The following GPR37 variants were observed in gnomAD, a reference collection of about 807,000 sequenced individuals.
GPR37 encodes prosaposin receptor GPR37.
GPR37 carries 20 observed loss-of-function variants against 43.6 expected under a neutral mutation model. The ratio of observed to expected loss-of-function variants is 0.46; its 90% CI spans 0.32 to 0.67. The LOEUF (loss-of-function observed/expected upper bound fraction) is 0.67, where lower values mean the gene tolerates loss of function less well. Ranked by LOEUF, GPR37 falls within the 30% of genes least tolerant of loss-of-function variation. The pLI is 0.03. For missense variants in GPR37, 724 were observed against 797.2 expected, an observed-to-expected ratio of 0.91 and a Z score of 1.11; for synonymous variants, 315 against 322.6, an observed-to-expected ratio of 0.98 and a Z score of 0.25.
chr7:124,755,930 TG>T (rs1793786390), intron 1 of GPR37, among the ~76,000 whole-genome samples: 2 of 152,198 alleles, frequency 1.3e-5, no homozygotes, highest in African/African-American at 4.8e-5. Flanking sequence ...TTGATTTGCA[TG>T]ACTGTGAACT....
chr7:124,753,478 A>T (rs538095876), intron 1 of GPR37, among the ~76,000 whole-genome samples: 2 of 152,080 alleles, frequency 1.3e-5, no homozygotes, highest in Non-Finnish European at 2.9e-5. Context: ...AATAAGGAGC[A>T]AGGTAATATG....
chr7:124,750,656 G>A (rs1419470376), intron 1 of GPR37, among the ~76,000 whole-genome samples: 1 of 152,118 alleles, frequency 6.6e-6, no homozygotes, highest in Non-Finnish European at 1.5e-5. Context: ...AACTCCAGGA[G>A]TTACAAAGTC....
At chr7:124,761,574 C>G (rs1438015506) in intron 1 of GPR37, among the ~76,000 whole-genome samples, 1 of 152,172 alleles carries the variant, frequency 6.6e-6, no homozygotes, top group Non-Finnish European at 1.5e-5. Context: ...ATAGGTTGAA[C>G]CTGAGAGCAC....
rs377727646 is a variant in GPR37 at position 124,764,669 on chromosome 7, T to G, written c.308A>C (p.Glu103Ala). The G allele has an allele frequency of 3.7e-5, 59 of 1,587,970 alleles. No homozygotes were observed. The Middle Eastern group carries it at 5.0e-4, about 14-fold the overall frequency. The change falls in exon 1 of 2, where the codon GAG (glutamate) becomes GCG (alanine). Residue 103 changes from glutamate to alanine, a missense_variant. Glu to Ala is a moderately radical substitution (Grantham distance 107, BLOSUM62 -1). Around this residue, in one of 2 missense-constraint regions of GPR37, gnomAD observed 382 missense variants for 355.4 expected, o/e 1.07. Coordinates refer to ENST00000303921, the MANE Select transcript of GPR37 (RefSeq NM_005302.5). The surrounding 1 kb of genome is among the most constrained non-coding windows in gnomAD (Gnocchi z 5.4). ...GRDPAAGRGA[E>A]ASAAGPPGPP... ...TCCCGGGGGTCCGGCTGCCGACGCC[T>G]CCGCCCCTCTGCCTGCAGCCGGGTC...
At chr7:124,762,632 C>G (rs75286725) in intron 1 of GPR37, among the ~76,000 whole-genome samples, 1 of 152,206 alleles carries the variant, frequency 6.6e-6, no homozygotes. Context: ...TTCAGAGATA[C>G]GCCAAGCTTG....
chr7:124,760,160 T>C (rs930910796), intron 1 of GPR37, among the ~76,000 whole-genome samples: 1 of 152,038 alleles, frequency 6.6e-6, no homozygotes, highest in African/African-American at 2.4e-5. Context: ...ACATCATAAA[T>C]CTATAAGAAG....
Position 124,746,681 on chromosome 7 carries a change from C to G in GPR37, c.1686G>C (p.Glu562Asp), listed in dbSNP as rs375447551. 3.7e-6 allele frequency: 6 copies of G among 1,613,934 alleles called. No homozygotes were observed. Among genetic ancestry groups the G allele is most frequent in the Non-Finnish European group, 5.1e-6 (6 of 1,179,904 alleles). The part of the protein sequence containing the change: ...LCKPFSRAFM[E>D]CCCCCCEECI... ...ATTCCTCACAGCAACAGCAGCAGCA[C>G]TCCATGAAGGCCCGACTGAAGGGTT... The change falls in exon 2 of 2, where the codon GAG becomes GAC. Residue 562 changes from glutamate (E) to aspartate (D), a missense_variant. Coordinates refer to ENST00000303921, the MANE Select transcript of GPR37 (RefSeq NM_005302.5).
Position 124,765,035 on chromosome 7 carries a change from C to T in GPR37, c.-59G>A, listed in dbSNP as rs188114495. ...CCTGCTTAGTTAGGATCGACACCTG[C>T]TGCCGAAGTTGCTGCTGAGAGTTAG... On this transcript the variant is annotated 5_prime_UTR_variant, in exon 1 of 2. Transcript: ENST00000303921. 97 of 1,396,340 alleles carry T rather than the reference C, an allele frequency of 6.9e-5. No homozygotes were observed. The highest frequency in any genetic ancestry group is 4.6e-4 in the Middle Eastern group (2 of 4,320). The allele number at this position is 1,396,340 out of a possible 1,614,324, so 86.5% of individuals were successfully genotyped here.
rs776668609 is a variant in GPR37, at chr7:124,753,811, C to T, written c.1024-6468G>A. ...TATGAGAACCATAAATATACCTCAG[C>T]TTTCAAATATTTTGTCCCTCTGTTA... is the stretch of plus-strand genomic sequence containing the variant. On this transcript the variant is annotated intron_variant, in intron 1 of 1. Coordinates refer to ENST00000303921, the MANE Select transcript of GPR37 (RefSeq NM_005302.5). Among the ~76,000 whole-genome samples, 31 of 152,164 alleles carry T rather than the reference C, an allele frequency of 2.0e-4. No homozygotes were observed. In the Middle Eastern group the frequency reaches 0.014, roughly 67 times the overall value.
rs1793658719 is a variant in GPR37 at position 124,745,342 on chromosome 7, G to A, written c.*1183C>T. ...TCTCTGCCACCTGAGTTAGACATGTGTCCCACACAGCAAGCATCCTACACA... is the reference window on the plus strand; with the variant it reads ...TCTCTGCCACCTGAGTTAGACATGTATCCCACACAGCAAGCATCCTACACA... On this transcript the variant is annotated 3_prime_UTR_variant, in exon 2 of 2. Transcript: ENST00000303921. 6.6e-6 allele frequency among the ~76,000 whole-genome samples: 1 copy of A among 152,118 alleles called. No individual in the cohort carries two copies. Among genetic ancestry groups the A allele is most frequent in the African/African-American group, 2.4e-5 (1 of 41,442 alleles).
At chr7:124,757,302 C>T (rs370351562) in intron 1 of GPR37, among the ~76,000 whole-genome samples, 6 of 152,032 alleles carry the variant, frequency 3.9e-5, no homozygotes, top group South Asian at 2.1e-4. Context: ...TTAATTTTGA[C>T]GTATTTAGTG....
intron 1 of GPR37, among the ~76,000 whole-genome samples, chr7:124,762,788 C>G (rs1466041063): frequency 1.3e-5 from 2 of 152,186 alleles, no homozygotes; most frequent in Non-Finnish European, 2.9e-5. Context: ...GTACTGTTTT[C>G]TGTTTACTTA....
In GPR37 at chr7:124,746,591, T is replaced by C. The variant is rs1347859184; in HGVS notation, c.1776A>G (p.Glu592=). 6.2e-7 allele frequency: 1 copy of C among 1,613,666 alleles called. No homozygotes were observed. The highest frequency in any genetic ancestry group is 1.3e-5 in the African/African-American group (1 of 74,876). The change falls in exon 2 of 2, where the codon GAA becomes GAG. Residue 592 remains glutamate, a synonymous_variant. Coordinates refer to ENST00000303921, the MANE Select transcript of GPR37 (RefSeq NM_005302.5). ...DNDNEYTTEL[E]LSPFSTIRRE... ...GGCGTATGGTACTGAAAGGCGAGAGTTCGAGTTCCGTGGTGTACTCGTTGT... is the reference window on the plus strand; with the variant it reads ...GGCGTATGGTACTGAAAGGCGAGAGCTCGAGTTCCGTGGTGTACTCGTTGT...
At chr7:124,752,306 GAGAA>G (rs1313065546) in intron 1 of GPR37, among the ~76,000 whole-genome samples, 1 of 152,150 alleles carries the variant, frequency 6.6e-6, no homozygotes, top group Non-Finnish European at 1.5e-5. Context: ...GTTTTTAAGA[GAGAA>G]AGAGAGAGAA....
At chr7:124,763,521 G>C (rs1584727682) in intron 1 of GPR37, among the ~76,000 whole-genome samples, 1 of 150,264 alleles carries the variant, frequency 6.7e-6, no homozygotes, top group African/African-American at 2.4e-5. Context: ...CTTCTTGGGG[G>C]AAAACTCACA....
intron 1 of GPR37, among the ~76,000 whole-genome samples, chr7:124,748,965 C>T (rs1793704098): frequency 6.6e-6 from 1 of 151,966 alleles, no homozygotes. Context: ...CAAACAGATA[C>T]ATATCCAACA....
Position 124,765,279 on chromosome 7 carries a change from A to C in GPR37, c.-303T>G. The stretch of plus-strand genomic sequence containing the variant: ...CGGTGGCTGACCTTGAAAAGTTGCA[A>C]TCAACACCTGACTGTTGATTACTGT... On this transcript the variant is annotated 5_prime_UTR_variant, in exon 1 of 2. Transcript: ENST00000303921. 2.9e-6 allele frequency: 1 copy of C among 339,038 alleles called. No individual in the cohort carries two copies. The highest frequency in any genetic ancestry group is 5.3e-6 in the Non-Finnish European group (1 of 188,182). 21.0% of individuals were successfully genotyped at this position (339,038 alleles called of 1,614,324 possible).
chr7:124,745,503 A>G lies in GPR37; in HGVS notation c.*1022T>C, dbSNP rs1201977539. Among the ~76,000 whole-genome samples, 1 of 152,136 alleles carries G rather than the reference A, an allele frequency of 6.6e-6. No homozygotes were observed. The highest frequency in any genetic ancestry group is 6.5e-5 in the Admixed American group (1 of 15,272). On this transcript the variant is annotated 3_prime_UTR_variant, in exon 2 of 2. Transcript: ENST00000303921. Reference sequence around the variant, plus strand: ...AATGTTCTAATAAAAATATATAAATATTTTATTATTCCACTCCTATACTTT... The same window carrying G: ...AATGTTCTAATAAAAATATATAAATGTTTTATTATTCCACTCCTATACTTT...
In GPR37 at chr7:124,746,493, CAAAT is replaced by C. The variant is rs1224825797; in HGVS notation, c.*28_*31del. On this transcript the variant is annotated 3_prime_UTR_variant, in exon 2 of 2. Transcript: ENST00000303921. ...ACTTTCACGGGATATGAAAATCAAA[CAAAT>C]AAATCTGACCCAACCAAGTACTGTC... The C allele has an allele frequency of 7.0e-7, 1 of 1,437,850 alleles. No individual in the cohort carries two copies. The highest frequency in any genetic ancestry group is 9.3e-7 in the Non-Finnish European group (1 of 1,076,012). The allele number at this position is 1,437,850 out of a possible 1,614,324, so 89.1% of individuals were successfully genotyped here. A position where few individuals can be genotyped will look rare whatever the true frequency, so the allele number is the denominator to read the frequency against.
Sources: allele counts gnomAD v4.1 joint callset (sites outside exome capture counted in the v4.1 genomes callset), GRCh38; gene constraint gnomAD v4.1.1; regional missense constraint gnomAD v4.1.1; non-coding constraint Gnocchi (gnomAD v3.1); transcripts MANE v1.5; gene names NCBI Gene and HGNC (gene_info 2026-07-23, HGNC 2026-07-21).